Variants in CACNA1C observed in about 807,000 individuals in gnomAD.
The protein encoded by CACNA1C is voltage-dependent L-type calcium channel subunit alpha-1C.
CACNA1C carries 30 observed loss-of-function variants against 229.0 expected under a neutral mutation model. The ratio of observed to expected loss-of-function variants is 0.13; its 90% CI spans 0.10 to 0.18. CACNA1C has a LOEUF of 0.18. Ranked by LOEUF, CACNA1C falls within the 10% of genes least tolerant of loss-of-function variation. The pLI is 1.00. For synonymous variants in CACNA1C, 1,114 were observed against 1,132.5 expected (o/e 0.98, Z 0.33); for missense variants, 1,658 against 2,845.0 (o/e 0.58, Z 9.49).
In CACNA1C at chr12:2,649,670, G is replaced by C. The variant is rs2094725248; in HGVS notation, c.3945+1163G>C. ...ATTCACGCTGCAAGCTTGGTGTTTG[G>C]CGTTTTTTGGGTTTTTTTGTTTGTT... On this transcript the variant is annotated intron_variant, in intron 31 of 46. Transcript: ENST00000399655. This position sits in a 1 kb window ranked among gnomAD's most constrained non-coding sequence, Gnocchi z 4.4. Among the ~76,000 whole-genome samples the C allele has an allele frequency of 6.7e-6, 1 of 148,418 alleles. No homozygotes were observed. The highest frequency in any genetic ancestry group is 6.7e-5 in the Admixed American group (1 of 15,000).
chr12:2,301,276 C>T (rs1473060468), intron 3 of CACNA1C, among the ~76,000 whole-genome samples: 1 of 152,154 alleles, frequency 6.6e-6, no homozygotes, highest in Non-Finnish European at 1.5e-5. Flanking sequence ...CCCTCTGTCC[C>T]AGAAGTCAGC....
intron 3 of CACNA1C, among the ~76,000 whole-genome samples, chr12:2,177,625 C>T (rs11062140): frequency 2.4e-4 from 21 of 89,348 alleles, no homozygotes; most frequent in African/African-American, 8.1e-4. Context: ...TCCTTCCTTC[C>T]TTCTCTCTCT....
In CACNA1C at chr12:2,665,780, G is replaced by A. The variant is rs2096058308; in HGVS notation, c.4526+72G>A. On this transcript the variant is annotated intron_variant, in intron 36 of 46. Coordinates refer to ENST00000399655, the MANE Select transcript of CACNA1C (RefSeq NM_000719.7). The surrounding 1 kb of genome is among the most constrained non-coding windows in gnomAD (Gnocchi z 5.9). ...ATAGCTGACCATACCTGCAGGAGGG[G>A]CTCAAGGTTGGCCAACACTGGGTGG... 6.7e-7 allele frequency: 1 copy of A among 1,484,320 alleles called. No individual in the cohort carries two copies. Among genetic ancestry groups the A allele is most frequent in the Non-Finnish European group, 9.1e-7 (1 of 1,099,478 alleles). The allele number at this position is 1,484,320 out of a possible 1,614,324, so 91.9% of individuals were successfully genotyped here. A position where few individuals can be genotyped will look rare whatever the true frequency, so the allele number is the denominator to read the frequency against.
At chr12:2,650,298 G>A (rs1237338582) in intron 31 of CACNA1C, among the ~76,000 whole-genome samples, 2 of 152,192 alleles carry the variant, frequency 1.3e-5, no homozygotes, top group South Asian at 2.1e-4. Context: ...GCCTCATCAG[G>A]GTGGGCCAGA....
At chr12:2,669,605 A>G (rs1294749016) in intron 38 of CACNA1C, among the ~76,000 whole-genome samples, 3 of 152,202 alleles carry the variant, frequency 2.0e-5, no homozygotes, top group Non-Finnish European at 4.4e-5. Context: ...AAGAACTTAC[A>G]CTGGCTACAG....
At chr12:2,342,376 C>G (rs2096890716) in intron 3 of CACNA1C, among the ~76,000 whole-genome samples, 1 of 152,114 alleles carries the variant, frequency 6.6e-6, no homozygotes, top group African/African-American at 2.4e-5. Context: ...TTTGTGTATC[C>G]AGCACTTTGT....
chr12:2,113,775 A>G, intron 1 of CACNA1C, among the ~76,000 whole-genome samples: 1 of 152,250 alleles, frequency 6.6e-6, no homozygotes, highest in Non-Finnish European at 1.5e-5. Context: ...GGCTGAGCTG[A>G]TCGCTTGGCA....
chr12:2,539,990 CAGAG>C (rs1345254431), intron 9 of CACNA1C, among the ~76,000 whole-genome samples: 6 of 152,194 alleles, frequency 3.9e-5, no homozygotes, highest in Non-Finnish European at 7.4e-5. Flanking sequence ...GCCTCAGAGT[CAGAG>C]AGCAGCTATG....
chr12:2,676,151 CTAGGACTCCAGG>C (rs961618515), intron 39 of CACNA1C: 1 of 152,242 alleles, frequency 6.6e-6, no homozygotes, highest in African/African-American at 2.4e-5. Context: ...CCCAGGGAAC[CTAGGACTCCAGG>C]TAGGACTCCA....
At chr12:2,539,083 A>C (rs2099862766) in intron 9 of CACNA1C, among the ~76,000 whole-genome samples, 2 of 152,226 alleles carry the variant, frequency 1.3e-5, no homozygotes, top group South Asian at 4.1e-4. Context: ...ACCTAACTTC[A>C]GCCTTTGGGG....
chr12:2,288,331 T>C (rs1250558149), intron 3 of CACNA1C: 4 of 152,352 alleles, frequency 2.6e-5, no homozygotes, highest in Non-Finnish European at 5.9e-5. Context: ...AGTTTGAGGC[T>C]CTTGCGCAGA....
intron 3 of CACNA1C, among the ~76,000 whole-genome samples, chr12:2,359,293 C>T (rs910805900): frequency 2.0e-5 from 3 of 152,158 alleles, no homozygotes; most frequent in South Asian, 2.1e-4. Context: ...AAAGCTAAGC[C>T]GTCCTTCCTG....
rs541647744 is a variant in CACNA1C, at chr12:2,271,318, T to C, written c.477+150888T>C. On this transcript the variant is annotated intron_variant, in intron 3 of 46. Transcript: ENST00000399655. ...GTCCAAGGTGCAGCCCCAGAGCGGGTATTTTCCCTTTTGAGAAGTGGAGGC... is the reference window on the plus strand; with the variant it reads ...GTCCAAGGTGCAGCCCCAGAGCGGGCATTTTCCCTTTTGAGAAGTGGAGGC... Among the ~76,000 whole-genome samples the C allele has an allele frequency of 2.0e-5, 3 of 152,278 alleles. No homozygotes were observed. The South Asian group carries it at 6.2e-4, about 32-fold the overall frequency.
rs953473615 is a variant in CACNA1C, at chr12:2,370,247, A to G, written c.478-78729A>G. 2.0e-5 allele frequency among the ~76,000 whole-genome samples: 3 copies of G among 152,154 alleles called. No homozygotes were observed. The South Asian group carries it at 6.2e-4, about 32-fold the overall frequency. On this transcript the variant is annotated intron_variant, in intron 3 of 46. Transcript: ENST00000399655. ...GTGGTAAAATGGGCTCTCATATACT[A>G]TGATAGAAATAGAAAAAAGTTATAA...
intron 3 of CACNA1C, among the ~76,000 whole-genome samples, chr12:2,198,104 A>C (rs1328219212): frequency 1.3e-5 from 2 of 152,126 alleles, no homozygotes; most frequent in Non-Finnish European, 2.9e-5. Context: ...GAATGAGGAC[A>C]CCCGCCCTGG....
intron 3 of CACNA1C, among the ~76,000 whole-genome samples, chr12:2,371,180 A>C (rs186365103): frequency 1.6e-4 from 25 of 152,308 alleles, no homozygotes; most frequent in Admixed American, 1.4e-3. Context: ...GTAGGAGTGA[A>C]AGGGAGAGGC....
chr12:2,109,008 A>C (rs1565742830), intron 1 of CACNA1C, among the ~76,000 whole-genome samples: 1 of 152,220 alleles, frequency 6.6e-6, no homozygotes, highest in South Asian at 2.1e-4. Flanking sequence ...GAGATTGCTC[A>C]GTGGTCAGGA....
At chr12:2,163,885 C>G (rs1271511542) in intron 3 of CACNA1C, among the ~76,000 whole-genome samples, 2 of 152,194 alleles carry the variant, frequency 1.3e-5, no homozygotes, top group Admixed American at 1.3e-4. Context: ...GCTTCTCGGG[C>G]TCTGGGTCCC....
intron 3 of CACNA1C, among the ~76,000 whole-genome samples, chr12:2,445,250 C>T (rs766349462): frequency 2.6e-5 from 4 of 152,216 alleles, no homozygotes; most frequent in Non-Finnish European, 4.4e-5. Context: ...GAAGTCCATC[C>T]ATAGCCAGCT....
Sources: allele counts gnomAD v4.1 joint callset (sites outside exome capture counted in the v4.1 genomes callset), GRCh38; gene constraint gnomAD v4.1.1; non-coding constraint Gnocchi (gnomAD v3.1); transcripts MANE v1.5; gene names NCBI Gene and HGNC (gene_info 2026-07-23, HGNC 2026-07-21).